KCNMB2: variants seen among roughly 807,000 people sequenced by gnomAD.
KCNMB2 encodes potassium calcium-activated channel subfamily M regulatory beta subunit 2.
Under a neutral mutation model 24.5 loss-of-function variants are expected in KCNMB2, and 9 were observed. That is an observed-to-expected ratio of 0.37 (90% confidence interval 0.22 to 0.64). The LOEUF (loss-of-function observed/expected upper bound fraction) is 0.64. KCNMB2 is among the 30% of genes least tolerant of loss of function. The pLI is 0.63. For missense variants in KCNMB2, 226 were observed against 284.3 expected (o/e 0.79, Z 1.47); for synonymous variants, 109 against 104.4 (o/e 1.04, Z -0.27).
At chr3:178,638,489 C>A (rs1296268199) in intron 1 of KCNMB2, among the ~76,000 whole-genome samples, 1 of 152,168 alleles carries the variant, frequency 6.6e-6, no homozygotes, top group African/African-American at 2.4e-5. Context: ...TTCTCTAAAG[C>A]TTTTCCCCAT....
intron 1 of KCNMB2, among the ~76,000 whole-genome samples, chr3:178,569,986 A>G (rs1205625005): frequency 1.3e-5 from 2 of 152,188 alleles, no homozygotes; most frequent in African/African-American, 4.8e-5. Context: ...ATTCATTGCA[A>G]TATTATTTCT....
intron 1 of KCNMB2, among the ~76,000 whole-genome samples, chr3:178,788,710 C>T (rs543780068): frequency 6.6e-6 from 1 of 152,078 alleles, no homozygotes; most frequent in East Asian, 1.9e-4. Flanking sequence ...TTCAACTAAA[C>T]CTGAGATGGT....
intron 1 of KCNMB2, among the ~76,000 whole-genome samples, chr3:178,759,697 C>CTCTCTCCAAGAGGGAT (rs1711639661): frequency 8.4e-5 from 7 of 83,764 alleles, no homozygotes; most frequent in South Asian, 3.7e-4. Context: ...GATATATATA[C>CTCTCTCCAAGAGGGAT]ACATATATAT....
rs998927836 is a variant in KCNMB2 at position 178,773,170 on chromosome 3, A to G, written c.-67-34173A>G. On this transcript the variant is annotated intron_variant, in intron 1 of 4. Transcript: ENST00000452583. ...GGCAACTCTTTACTGAGTTAGGAGT[A>G]GGAAAAAGGTAGAAAGGCCTATCGT... Among the ~76,000 whole-genome samples the G allele has an allele frequency of 1.8e-4, 27 of 152,310 alleles. 1 individual carries two copies. Among genetic ancestry groups the G allele is most frequent in the Admixed American group, 1.6e-3 (24 of 15,292 alleles).
chr3:178,621,544 G>A (rs954422216), intron 1 of KCNMB2, among the ~76,000 whole-genome samples: 9 of 151,620 alleles, frequency 5.9e-5, no homozygotes, highest in African/African-American at 2.2e-4. Context: ...ATTTTTCCAG[G>A]ACAGTTTTCA....
intron 4 of KCNMB2, among the ~76,000 whole-genome samples, chr3:178,837,035 G>A (rs1715259673): frequency 6.6e-6 from 1 of 152,084 alleles, no homozygotes; most frequent in Admixed American, 6.6e-5. Flanking sequence ...TATCATTTGA[G>A]CCACAGAAAC....
At chr3:178,621,897 G>T (rs963108639) in intron 1 of KCNMB2, among the ~76,000 whole-genome samples, 1 of 152,188 alleles carries the variant, frequency 6.6e-6, no homozygotes, top group African/African-American at 2.4e-5. Context: ...GAGGTAATTT[G>T]ATGTAGTGAT....
At chr3:178,599,923 G>A (rs564890203) in intron 1 of KCNMB2, among the ~76,000 whole-genome samples, 1 of 152,172 alleles carries the variant, frequency 6.6e-6, no homozygotes, top group Non-Finnish European at 1.5e-5. Flanking sequence ...CCCAGCCCAG[G>A]CTGGAGTCAA....
At chr3:178,738,672 G>A (rs1010839655) in intron 1 of KCNMB2, among the ~76,000 whole-genome samples, 3 of 152,082 alleles carry the variant, frequency 2.0e-5, no homozygotes, top group African/African-American at 7.2e-5. Context: ...CACTTCCTGA[G>A]AAGAGCCTTC....
chr3:178,583,283 AT>A (rs1717281886), intron 1 of KCNMB2, among the ~76,000 whole-genome samples: 2 of 152,174 alleles, frequency 1.3e-5, no homozygotes, highest in African/African-American at 4.8e-5. Flanking sequence ...TCTATTTGTT[AT>A]TTGCATTCCA....
At chr3:178,743,693 G>A (rs1723568576) in intron 1 of KCNMB2, among the ~76,000 whole-genome samples, 1 of 152,154 alleles carries the variant, frequency 6.6e-6, no homozygotes, top group South Asian at 2.1e-4. Context: ...CATGGTGGGG[G>A]GAACCACAAA....
At chr3:178,669,688 G>A (rs960989118) in intron 1 of KCNMB2, among the ~76,000 whole-genome samples, 5 of 152,094 alleles carry the variant, frequency 3.3e-5, no homozygotes, top group Admixed American at 6.6e-5. Context: ...GTCAATACCT[G>A]TGATACAGGG....
At chr3:178,655,707 C>T (rs1054127582) in intron 1 of KCNMB2, among the ~76,000 whole-genome samples, 4 of 152,178 alleles carry the variant, frequency 2.6e-5, no homozygotes, top group Non-Finnish European at 5.9e-5. Context: ...GCCAGGAACG[C>T]CCAGGTCCTG....
chr3:178,738,557 TA>T (rs1440564141), intron 1 of KCNMB2, among the ~76,000 whole-genome samples: 1 of 152,186 alleles, frequency 6.6e-6, no homozygotes, highest in Non-Finnish European at 1.5e-5. Flanking sequence ...GTTGTTCCCA[TA>T]AGCCAAACTT....
chr3:178,712,737 A>G (rs1287041157), intron 1 of KCNMB2, among the ~76,000 whole-genome samples: 1 of 152,218 alleles, frequency 6.6e-6, no homozygotes, highest in Non-Finnish European at 1.5e-5. Flanking sequence ...GCCAGGATTC[A>G]GACAGACTCC....
At chr3:178,560,011 C>CACAGCA (rs1716257289) in intron 1 of KCNMB2, among the ~76,000 whole-genome samples, 1 of 146,750 alleles carries the variant, frequency 6.8e-6, no homozygotes, top group South Asian at 2.1e-4. Flanking sequence ...TTTATGAATA[C>CACAGCA]ACAGCATATT....
At chr3:178,768,017 A>C (rs1292142782) in intron 1 of KCNMB2, among the ~76,000 whole-genome samples, 1 of 134,980 alleles carries the variant, frequency 7.4e-6, no homozygotes, top group South Asian at 2.3e-4. Context: ...GTTCTTGCCC[A>C]GTCTTTTTTT....
chr3:178,678,009 G>T (rs1045329538), intron 1 of KCNMB2, among the ~76,000 whole-genome samples: 3 of 152,262 alleles, frequency 2.0e-5, no homozygotes, highest in South Asian at 4.2e-4. Context: ...GGACACGAAG[G>T]CTCCCAGTTC....
chr3:178,566,444 A>G (rs555696841), intron 1 of KCNMB2, among the ~76,000 whole-genome samples: 72 of 152,240 alleles, frequency 4.7e-4, no homozygotes, highest in African/African-American at 1.6e-3. Flanking sequence ...GCACACACAC[A>G]TACACACACA....
Sources: gnomAD v4.1 joint callset for allele counts (sites outside exome capture counted in the v4.1 genomes callset) on GRCh38, gnomAD v4.1.1 for gene constraint, MANE v1.5 for transcripts, NCBI Gene and HGNC (gene_info 2026-07-23, HGNC 2026-07-21) for gene names.